The following TBC1D8 variants were observed in gnomAD, a reference collection of about 807,000 sequenced individuals.
TBC1D8 encodes the protein BUB2-like protein 1.
Under a neutral mutation model 118.8 loss-of-function variants are expected in TBC1D8, and 65 were observed. That is an observed-to-expected ratio of 0.55 (90% confidence interval 0.45 to 0.67). The LOEUF (loss-of-function observed/expected upper bound fraction) is 0.67. TBC1D8 is among the 30% of genes least tolerant of loss of function. TBC1D8 has a pLI of 0.00. For missense variants in TBC1D8, 1,376 were observed against 1,471.2 expected (o/e 0.94, Z 1.06); for synonymous variants, 566 against 595.8 (o/e 0.95, Z 0.73).
At chr2:101,043,213 G>A (rs1681490617) in intron 5 of TBC1D8, among the ~76,000 whole-genome samples, 1 of 152,232 alleles carries the variant, frequency 6.6e-6, no homozygotes, top group African/African-American at 2.4e-5. Flanking sequence ...GGGCGCCTGA[G>A]CTGCCTCCAG....
intron 1 of TBC1D8, among the ~76,000 whole-genome samples, chr2:101,095,402 C>A: frequency 7.4e-6 from 1 of 134,726 alleles, no homozygotes; most frequent in South Asian, 2.9e-4. Context: ...CTCCCCCCCC[C>A]TCCCCCCACC....
intron 2 of TBC1D8, among the ~76,000 whole-genome samples, chr2:101,069,225 G>A (rs988674288): frequency 3.3e-5 from 5 of 151,590 alleles, no homozygotes; most frequent in Admixed American, 6.6e-5. Flanking sequence ...TCCGGAAGGC[G>A]GAGCTTGCAG....
intron 12 of TBC1D8, 36 bp from the exon 13 acceptor site, chr2:101,028,468 C>T: frequency 2.0e-6 from 3 of 1,523,980 alleles, no homozygotes; most frequent in Non-Finnish European, 2.6e-6. Context: ...CAAGTCCATC[C>T]TCATTCGGGT....
At chr2:101,022,205 C>T in intron 16 of TBC1D8, 76 bp downstream of exon 16, 1 of 1,596,298 alleles carries the variant, frequency 6.3e-7, no homozygotes, top group South Asian at 1.1e-5. Flanking sequence ...TCTGCCTGCT[C>T]CGAAGATCCA....
chr2:101,127,036 T>C (rs1248592131), intron 1 of TBC1D8, among the ~76,000 whole-genome samples: 1 of 152,152 alleles, frequency 6.6e-6, no homozygotes, highest in East Asian at 1.9e-4. Context: ...GAACAAGCTG[T>C]TAAGAAATTG....
intron 17 of TBC1D8, among the ~76,000 whole-genome samples, chr2:101,015,361 T>C (rs1321880461): frequency 6.6e-6 from 1 of 152,354 alleles, no homozygotes; most frequent in Admixed American, 6.5e-5. Context: ...AGGACATTAC[T>C]GCACACTGCC....
Position 101,059,274 on chromosome 2 carries a change from C to A in TBC1D8, c.402+147G>T, listed in dbSNP as rs1682623515. 10 of 480,488 alleles carry A rather than the reference C, an allele frequency of 2.1e-5. 2 individuals are homozygous for A. The South Asian group carries it at 2.4e-4, about 12-fold the overall frequency. 29.8% of individuals were successfully genotyped at this position (480,488 alleles called of 1,614,324 possible). On this transcript the variant is annotated intron_variant, in intron 3 of 19. Coordinates refer to ENST00000409318, the MANE Select transcript of TBC1D8 (RefSeq NM_001330348.2). ...TGCTAGACTGACTACAAAGTTAAGACAGGTGATAAATGAAACTTATTTGGC... is the reference window on the plus strand; with the variant it reads ...TGCTAGACTGACTACAAAGTTAAGAAAGGTGATAAATGAAACTTATTTGGC...
At chr2:101,078,512 G>C (rs1674997969) in intron 2 of TBC1D8, among the ~76,000 whole-genome samples, 2 of 152,072 alleles carry the variant, frequency 1.3e-5, no homozygotes, top group South Asian at 4.1e-4. Context: ...TTTCAGAGAT[G>C]TTTCCTAAAA....
intron 6 of TBC1D8, among the ~76,000 whole-genome samples, chr2:101,039,909 T>C (rs75841268): frequency 0.018 from 2,785 of 152,190 alleles, 84 homozygotes; most frequent in African/African-American, 0.064. Context: ...TTATCAATAA[T>C]GTGGAGGTTA....
At chr2:101,094,015 T>C (rs977587584) in intron 1 of TBC1D8, among the ~76,000 whole-genome samples, 1 of 152,080 alleles carries the variant, frequency 6.6e-6, no homozygotes, top group African/African-American at 2.4e-5. Context: ...AATACTTACT[T>C]ATCTGATCAG....
intron 1 of TBC1D8, among the ~76,000 whole-genome samples, 177 bp from the exon 2 acceptor site, chr2:101,090,541 TGCATCC>T (rs1675970660): frequency 6.6e-6 from 1 of 152,248 alleles, no homozygotes; most frequent in Non-Finnish European, 1.5e-5. Context: ...GGGCTCTGTC[TGCATCC>T]GCAGCAGGAC....
chr2:101,020,951 G>A (rs1197796612), intron 17 of TBC1D8, among the ~76,000 whole-genome samples: 1 of 152,134 alleles, frequency 6.6e-6, no homozygotes, highest in Non-Finnish European at 1.5e-5. Context: ...AGGCATCCAC[G>A]GGGAGTTGGG....
chr2:101,080,019 C>T (rs1440508546), intron 2 of TBC1D8, among the ~76,000 whole-genome samples: 1 of 152,014 alleles, frequency 6.6e-6, no homozygotes, highest in African/African-American at 2.4e-5. Flanking sequence ...TAGTTGTTAA[C>T]ATCACTTTTG....
chr2:101,070,072 C>T (rs944544615), intron 2 of TBC1D8, among the ~76,000 whole-genome samples: 1 of 151,746 alleles, frequency 6.6e-6, no homozygotes, highest in East Asian at 2.0e-4. Context: ...CCCACGACCA[C>T]GCCCAGCTAA....
intron 1 of TBC1D8, among the ~76,000 whole-genome samples, chr2:101,147,597 T>C (rs1679372980): frequency 6.6e-6 from 1 of 152,226 alleles, no homozygotes; most frequent in Non-Finnish European, 1.5e-5. Context: ...CCCTGATGAT[T>C]AGTGATGCTG....
rs184989460 is a variant in TBC1D8 at position 101,136,905 on chromosome 2, C to T, written c.127+14222G>A. Among the ~76,000 whole-genome samples the T allele has an allele frequency of 1.8e-3, 271 of 152,280 alleles. 3 individuals carry two copies. The highest frequency in any genetic ancestry group is 4.2e-3 in the East Asian group (22 of 5,184). The stretch of plus-strand genomic sequence containing the variant: ...CTATGCTCCCATGGTGGGTAAAATA[C>T]CTACATCTCCATCTGAGGCTGCGCA... On this transcript the variant is annotated intron_variant, in intron 1 of 19. Transcript: ENST00000409318.
At chr2:101,020,301 TATAG>T (rs1288500858) in intron 17 of TBC1D8, among the ~76,000 whole-genome samples, 2 of 151,744 alleles carry the variant, frequency 1.3e-5, no homozygotes, top group Non-Finnish European at 2.9e-5. Context: ...GAATGCCAGA[TATAG>T]ATAATGACAA....
rs546527820 is a variant in TBC1D8, at chr2:101,085,895, A to C, written c.283+4314T>G. 2.6e-4 allele frequency among the ~76,000 whole-genome samples: 40 copies of C among 152,334 alleles called. No homozygotes were observed. The East Asian group carries it at 7.7e-3, about 29-fold the overall frequency. On this transcript the variant is annotated intron_variant, in intron 2 of 19. Transcript: ENST00000409318. ...GGCGGCTCACGCCTGTAACCTCAGC[A>C]CTTTGGGAGGCTGAGGCGGGTGGAT...
intron 1 of TBC1D8, among the ~76,000 whole-genome samples, chr2:101,124,050 T>TA (rs1354926712): frequency 6.6e-6 from 1 of 152,194 alleles, no homozygotes; most frequent in East Asian, 1.9e-4. Flanking sequence ...ATTACTTCGA[T>TA]AGACAGCTGG....
Sources: gnomAD v4.1 joint callset for allele counts (sites outside exome capture counted in the v4.1 genomes callset) on GRCh38, gnomAD v4.1.1 for gene constraint, MANE v1.5 for transcripts, NCBI Gene and HGNC (gene_info 2026-07-23, HGNC 2026-07-21) for gene names.